Variants in ATP9B observed in about 807,000 individuals in gnomAD.
ATP9B encodes probable phospholipid-transporting ATPase IIB.
In ATP9B, 110 loss-of-function variants were observed where a neutral mutation model predicts 146.1. The ratio of observed to expected loss-of-function variants is 0.75; its 90% CI spans 0.65 to 0.88. ATP9B has a LOEUF of 0.88. ATP9B is among the 40% of genes least tolerant of loss of function. The probability of loss-of-function intolerance (pLI) is 0.00; values close to 1 mark genes in which losing one functional copy is unlikely to be tolerated. For missense variants in ATP9B, 1,499 were observed against 1,496.4 expected (o/e 1.00, Z -0.03); for synonymous variants, 604 against 569.7 (o/e 1.06, Z -0.86).
chr18:79,293,607 G>A (rs533328339), intron 13 of ATP9B, among the ~76,000 whole-genome samples: 5 of 152,196 alleles, frequency 3.3e-5, no homozygotes, highest in South Asian at 2.1e-4. Context: ...CCTCAGCCTC[G>A]GACTTTCCAG....
At chr18:79,348,706 T>C (rs1600254078) in intron 25 of ATP9B, among the ~76,000 whole-genome samples, 1 of 152,244 alleles carries the variant, frequency 6.6e-6, no homozygotes, top group African/African-American at 2.4e-5. Flanking sequence ...CTGGGCGCGG[T>C]GGCTCACGCC....
chr18:79,363,237 T>C (rs2097001034), intron 26 of ATP9B: 1 of 152,244 alleles, frequency 6.6e-6, no homozygotes, highest in Non-Finnish European at 1.5e-5. Context: ...TAAACATTTA[T>C]AATAATACAT....
intron 12 of ATP9B, among the ~76,000 whole-genome samples, chr18:79,260,643 G>A (rs1209149556): frequency 6.6e-6 from 1 of 152,234 alleles, no homozygotes. Flanking sequence ...GACAGGATGA[G>A]ATGAGAGAAG....
intron 7 of ATP9B, among the ~76,000 whole-genome samples, chr18:79,160,218 C>T (rs187748581): frequency 1.3e-5 from 2 of 152,356 alleles, no homozygotes. Flanking sequence ...GGGATTTTAA[C>T]TAACACAGCT....
intron 25 of ATP9B, among the ~76,000 whole-genome samples, chr18:79,357,164 T>C (rs632323): frequency 0.013 from 355 of 27,768 alleles, 8 homozygotes; most frequent in Admixed American, 0.015. Context: ...TGAGGGGTGC[T>C]CTGGGTCTGG....
chr18:79,251,498 T>C (rs1012595997), intron 11 of ATP9B, among the ~76,000 whole-genome samples: 4 of 152,246 alleles, frequency 2.6e-5, no homozygotes. Flanking sequence ...TAAAATCTTA[T>C]AGTTAGCTTA....
chr18:79,364,140 C>T (rs1198007450), intron 26 of ATP9B: 4 of 151,966 alleles, frequency 2.6e-5, no homozygotes, highest in African/African-American at 7.3e-5. Context: ...GTGGCGCGCA[C>T]CTGTAGTCCC....
chr18:79,348,623 GC>G lies in ATP9B; in HGVS notation c.2903+428del, dbSNP rs755449103. Among the ~76,000 whole-genome samples, 22 of 152,366 alleles carry G rather than the reference GC, an allele frequency of 1.4e-4. No individual in the cohort carries two copies. In the South Asian group the frequency reaches 4.6e-3, roughly 32 times the overall value. ...GAAGTGCAGGGACATGGTGTGGCAT[GC>G]TTCGAAGCAAACACTGTTGGTCTCT... On this transcript the variant is annotated intron_variant, in intron 25 of 29. Transcript: ENST00000426216.
At chr18:79,135,427 C>G (rs2094435993) in intron 5 of ATP9B, among the ~76,000 whole-genome samples, 1 of 152,138 alleles carries the variant, frequency 6.6e-6, no homozygotes, top group Non-Finnish European at 1.5e-5. Flanking sequence ...TGCCTTCTTG[C>G]TCTCATTAAA....
chr18:79,283,160 C>G (rs1440389067), intron 13 of ATP9B, among the ~76,000 whole-genome samples: 1 of 152,222 alleles, frequency 6.6e-6, no homozygotes, highest in Non-Finnish European at 1.5e-5. Flanking sequence ...CTCTTTTGCT[C>G]TGCCCTTCAG....
At chr18:79,209,194 T>A (rs1361078771) in intron 10 of ATP9B, among the ~76,000 whole-genome samples, 1 of 152,196 alleles carries the variant, frequency 6.6e-6, no homozygotes, top group African/African-American at 2.4e-5. Flanking sequence ...CCAGTGTCCT[T>A]GAGTGCTCGG....
At chr18:79,335,346 T>C (rs2096818283) in intron 17 of ATP9B, among the ~76,000 whole-genome samples, 2 of 152,116 alleles carry the variant, frequency 1.3e-5, no homozygotes, top group Admixed American at 6.5e-5. Context: ...ACTTTGAGAG[T>C]GTTACCTCCA....
intron 1 of ATP9B, among the ~76,000 whole-genome samples, chr18:79,084,537 TAAAA>T (rs11311887): frequency 7.3e-6 from 1 of 137,248 alleles, no homozygotes; most frequent in South Asian, 2.3e-4. Context: ...AGAGTAAAAG[TAAAA>T]AAAAAAAAAA....
At chr18:79,141,975 G>C (rs2094519815) in intron 5 of ATP9B, among the ~76,000 whole-genome samples, 1 of 152,178 alleles carries the variant, frequency 6.6e-6, no homozygotes, top group Admixed American at 6.5e-5. Context: ...CAGCAAATAA[G>C]TTATTTAAGA....
intron 5 of ATP9B, among the ~76,000 whole-genome samples, chr18:79,136,211 C>G (rs893123261): frequency 3.9e-5 from 6 of 152,318 alleles, no homozygotes; most frequent in African/African-American, 1.2e-4. Flanking sequence ...AAGCCTTCTG[C>G]AGTTTTGAAT....
intron 12 of ATP9B, among the ~76,000 whole-genome samples, chr18:79,264,430 G>A (rs987289490): frequency 2.0e-5 from 3 of 152,042 alleles, no homozygotes; most frequent in African/African-American, 4.8e-5. Flanking sequence ...AGGCTTTCTC[G>A]GCTTATGTTT....
At chr18:79,209,722 G>C in intron 10 of ATP9B, 1 of 971,624 alleles carries the variant, frequency 1.0e-6, no homozygotes, top group African/African-American at 1.8e-5. Context: ...GCTTAATTAA[G>C]GTACCTTTAA....
At chr18:79,174,888 A>G (rs1173413817) in intron 7 of ATP9B, among the ~76,000 whole-genome samples, 3 of 152,128 alleles carry the variant, frequency 2.0e-5, no homozygotes, top group Non-Finnish European at 4.4e-5. Context: ...GGTGCTATCA[A>G]CTGATCTTCC....
At chr18:79,073,566 A>C (rs1272237102) in intron 1 of ATP9B, among the ~76,000 whole-genome samples, 1 of 151,190 alleles carries the variant, frequency 6.6e-6, no homozygotes, top group Admixed American at 6.6e-5. Flanking sequence ...GCAGTGAGCC[A>C]AGATTGCGGC....
Sources: allele counts gnomAD v4.1 joint callset (sites outside exome capture counted in the v4.1 genomes callset), GRCh38; gene constraint gnomAD v4.1.1; transcripts MANE v1.5; gene names NCBI Gene and HGNC (gene_info 2026-07-23, HGNC 2026-07-21).